BCL2L11: variants seen among roughly 807,000 people sequenced by gnomAD.
BCL2L11 encodes bcl-2-like protein 11.
In BCL2L11, 15 loss-of-function variants were observed where a neutral mutation model predicts 20.6. The observed-to-expected ratio is 0.73, with a 90% CI of 0.49 to 1.12. The LOEUF (loss-of-function observed/expected upper bound fraction) is 1.12. Ranked by LOEUF, BCL2L11 falls within the 50% of genes most tolerant of loss-of-function variation. BCL2L11 has a pLI of 0.00. For missense variants in BCL2L11, 292 were observed against 260.9 expected, an observed-to-expected ratio of 1.12 and a Z score of -0.82; for synonymous variants, 108 against 92.8, an observed-to-expected ratio of 1.16 and a Z score of -0.94.
chr2:111,162,027 C>T (rs981319930), intron 3 of BCL2L11, among the ~76,000 whole-genome samples: 2 of 152,234 alleles, frequency 1.3e-5, no homozygotes, highest in Admixed American at 6.5e-5. Context: ...CAGGCCCCGA[C>T]TATAAGCCAC....
At chr2:111,124,268 A>T (rs2150149424) in intron 2 of BCL2L11, 129 bp downstream of exon 2, 4 of 1,071,150 alleles carry the variant, frequency 3.7e-6, no homozygotes, top group Non-Finnish European at 5.2e-6. Flanking sequence ...ATGGGAATGG[A>T]GGATGTGTCA....
At chr2:111,161,697 C>T in intron 3 of BCL2L11, 1 of 1,029,750 alleles carries the variant, frequency 9.7e-7, no homozygotes, top group Non-Finnish European at 1.3e-6. Context: ...CCTGACTTTC[C>T]AATTCCATCT....
intron 2 of BCL2L11, among the ~76,000 whole-genome samples, chr2:111,140,600 G>A (rs775076097): frequency 2.0e-5 from 3 of 152,180 alleles, no homozygotes; most frequent in African/African-American, 7.2e-5. Context: ...GGGATGTGTG[G>A]TGGAGAAAAG....
At chr2:111,121,437 G>A (rs2070881054) in intron 1 of BCL2L11, among the ~76,000 whole-genome samples, 1 of 151,878 alleles carries the variant, frequency 6.6e-6, no homozygotes, top group Non-Finnish European at 1.5e-5. Flanking sequence ...CTTGGGACGG[G>A]ATGCTGCGCG....
At chr2:111,126,998 A>G (rs577114276) in intron 2 of BCL2L11, among the ~76,000 whole-genome samples, 71 of 110,362 alleles carry the variant, frequency 6.4e-4, no homozygotes, top group African/African-American at 3.4e-3. Flanking sequence ...TTGTATTAAC[A>G]CTGTTTTCAT....
intron 2 of BCL2L11, 102 bp downstream of exon 2, chr2:111,124,241 A>G (rs2071956832): frequency 7.7e-7 from 1 of 1,307,110 alleles, no homozygotes; most frequent in Admixed American, 2.5e-5. Flanking sequence ...CCCGTAACTG[A>G]TTTATTCCAT....
At chr2:111,146,473 G>A (rs1489932002) in intron 2 of BCL2L11, among the ~76,000 whole-genome samples, 1 of 152,204 alleles carries the variant, frequency 6.6e-6, no homozygotes, top group Admixed American at 6.5e-5. Context: ...GGGTGGAGCA[G>A]CGTGTGTTTG....
At chr2:111,139,422 C>A (rs1341207594) in intron 2 of BCL2L11, among the ~76,000 whole-genome samples, 1 of 152,220 alleles carries the variant, frequency 6.6e-6, no homozygotes, top group Non-Finnish European at 1.5e-5. Flanking sequence ...TCCAAACTTA[C>A]GTACTTTTTC....
chr2:111,164,194 T>TA lies in BCL2L11; in HGVS notation c.561dup (p.Arg188ThrfsTer77). 6.2e-7 allele frequency: 1 copy of TA among 1,613,482 alleles called. No homozygotes were observed. The highest frequency in any genetic ancestry group is 1.1e-5 in the South Asian group (1 of 91,062). The stretch of plus-strand genomic sequence containing the variant: ...CCACGAATGGTTATCTTACGACTGT[T>TA]ACGTTACATTGTCCGCCTGGTGTGG... On this transcript the variant is annotated frameshift_variant, in exon 4 of 4. Transcript: ENST00000393256. LOFTEE classifies it high-confidence loss of function.
At chr2:111,150,885 T>C (rs960850548) in intron 3 of BCL2L11, among the ~76,000 whole-genome samples, 2 of 116,900 alleles carry the variant, frequency 1.7e-5, no homozygotes, top group Non-Finnish European at 3.9e-5. Flanking sequence ...GGGACACTTT[T>C]GTTTGTTTGT....
intron 2 of BCL2L11, chr2:111,144,508 C>T: frequency 6.4e-7 from 1 of 1,550,618 alleles, no homozygotes; most frequent in Non-Finnish European, 8.7e-7. Flanking sequence ...CTAGAAACAG[C>T]TCCATCACCC....
chr2:111,164,438 G>A lies in BCL2L11; in HGVS notation c.*207G>A, dbSNP rs914055558. ...GCAGAATTTCTAATGGAAGTTTGTT[G>A]TGAATGTAAAGGAGGGAGCATTCTT... On this transcript the variant is annotated 3_prime_UTR_variant, in exon 4 of 4. Transcript: ENST00000393256. 1.2e-5 allele frequency: 6 copies of A among 488,800 alleles called. No homozygotes were observed. Among genetic ancestry groups the A allele is most frequent in the African/African-American group, 1.1e-4 (6 of 52,476 alleles). 30.3% of individuals were successfully genotyped at this position (488,800 alleles called of 1,614,324 possible). A position where few individuals can be genotyped will look rare whatever the true frequency, so the allele number is the denominator to read the frequency against.
At chr2:111,157,099 G>A (rs1361003536) in intron 3 of BCL2L11, among the ~76,000 whole-genome samples, 6 of 152,210 alleles carry the variant, frequency 3.9e-5, no homozygotes, top group African/African-American at 1.4e-4. Context: ...TAAAGGACTT[G>A]TGCTTGTTTG....
chr2:111,134,569 A>G (rs1282124196), intron 2 of BCL2L11, among the ~76,000 whole-genome samples: 1 of 152,220 alleles, frequency 6.6e-6, no homozygotes, highest in Non-Finnish European at 1.5e-5. Flanking sequence ...GATTTAAGAA[A>G]GTACTGTTAG....
At position 111,148,355 on chromosome 2, in the gene BCL2L11, G is replaced by C. The variant is rs796095424; in HGVS notation, c.395-1689G>C. On this transcript the variant is annotated intron_variant, in intron 2 of 3. Coordinates refer to ENST00000393256, the MANE Select transcript of BCL2L11 (RefSeq NM_138621.5). Reference sequence around the variant, plus strand: ...CTAAGGGCGAACTAACTTGTTAAAAGCTTCTAAATCAGGGAAAGAACACTT... The same window carrying C: ...CTAAGGGCGAACTAACTTGTTAAAACCTTCTAAATCAGGGAAAGAACACTT... 3.5e-4 allele frequency among the ~76,000 whole-genome samples: 53 copies of C among 152,284 alleles called. 1 individual carries two copies. The highest frequency in any genetic ancestry group is 1.2e-3 in the African/African-American group (50 of 41,556).
chr2:111,122,541 C>A (rs1056107273), intron 1 of BCL2L11: 3 of 920,306 alleles, frequency 3.3e-6, no homozygotes, highest in Non-Finnish European at 3.9e-6. Flanking sequence ...CGCGGAGCGA[C>A]CGCGCGCGGA....
chr2:111,124,725 C>T (rs952611288), intron 2 of BCL2L11, among the ~76,000 whole-genome samples: 3 of 152,208 alleles, frequency 2.0e-5, no homozygotes, highest in South Asian at 4.1e-4. Context: ...TGACATTTTG[C>T]TTGAAAGGGA....
At chr2:111,156,515 C>T (rs749431024) in intron 3 of BCL2L11, among the ~76,000 whole-genome samples, 55 of 152,310 alleles carry the variant, frequency 3.6e-4, no homozygotes, top group Middle Eastern at 3.4e-3. Flanking sequence ...TAGACTACCC[C>T]GTTTCCGTCC....
intron 2 of BCL2L11, chr2:111,128,606 T>G: frequency 9.0e-7 from 1 of 1,108,152 alleles, no homozygotes; most frequent in Middle Eastern, 2.9e-4. Context: ...ACCAACACTT[T>G]TTTTTTTTTT....
Sources: allele counts gnomAD v4.1 joint callset (sites outside exome capture counted in the v4.1 genomes callset), GRCh38; gene constraint gnomAD v4.1.1; transcripts MANE v1.5; gene names NCBI Gene and HGNC (gene_info 2026-07-23, HGNC 2026-07-21).